Variants in FRK observed in about 807,000 individuals in gnomAD.
FRK encodes the protein tyrosine-protein kinase FRK.
A neutral mutation model predicts 56.4 loss-of-function variants in FRK; 51 were observed. The ratio of observed to expected loss-of-function variants is 0.90; its 90% CI spans 0.72 to 1.14. FRK has a LOEUF of 1.14. FRK is among the 50% of genes most tolerant of loss of function. The probability of loss-of-function intolerance (pLI) is 0.00; values close to 1 mark genes in which losing one functional copy is unlikely to be tolerated. For synonymous variants in FRK, 245 were observed against 217.9 expected, an observed-to-expected ratio of 1.12 and a Z score of -1.10; for missense variants, 570 against 601.4, an observed-to-expected ratio of 0.95 and a Z score of 0.55.
At chr6:115,975,281 A>G (rs961115673) in intron 2 of FRK, among the ~76,000 whole-genome samples, 8 of 152,074 alleles carry the variant, frequency 5.3e-5, no homozygotes, top group African/African-American at 1.7e-4. Flanking sequence ...GCATTTATAT[A>G]TGGTTCCTTC....
intron 1 of FRK, among the ~76,000 whole-genome samples, chr6:116,045,301 G>A (rs575993503): frequency 1.3e-5 from 2 of 152,242 alleles, no homozygotes; most frequent in South Asian, 4.1e-4. Context: ...AAAGAACAAA[G>A]CTGGAGGCAT....
In FRK at chr6:116,060,043, T is replaced by G; in HGVS notation, c.269A>C (p.Asp90Ala). The G allele has an allele frequency of 6.2e-7, 1 of 1,614,194 alleles. No homozygotes were observed. Among genetic ancestry groups the G allele is most frequent in the Non-Finnish European group, 8.5e-7 (1 of 1,180,040 alleles). ...WFARHLEKRR[D>A]GSSQQLQGYI... is the part of the protein sequence containing the mutation. ...GCCTTGTAGTTGCTGACTGGAGCCA[T>G]CTCGTCTTTTCTCCAAGTGTCTGGC... Residue 90 changes from aspartate to alanine, a missense_variant, in exon 1 of 8, where the codon GAT becomes GCT. Physicochemically the swap from Asp to Ala is moderately radical, Grantham distance 126 (BLOSUM62 -2). Coordinates refer to ENST00000606080, the MANE Select transcript of FRK (RefSeq NM_002031.3).
rs1480243565 is a variant in FRK at position 115,934,774 on chromosome 6, G to A, written c.*7640C>T. Reference sequence around the variant, plus strand: ...GTTTCATTCCTATTGCTTTACACTGGAAGATCTTTGAATATATATTTGATT... The same window carrying A: ...GTTTCATTCCTATTGCTTTACACTGAAAGATCTTTGAATATATATTTGATT... On this transcript the variant is annotated 3_prime_UTR_variant, in exon 8 of 8. Transcript: ENST00000606080. 6.6e-6 allele frequency: 1 copy of A among 151,948 alleles called. No individual in the cohort carries two copies. The highest frequency in any genetic ancestry group is 6.5e-5 in the Admixed American group (1 of 15,270). The allele number at this position is 151,948 out of a possible 1,614,324, so 9.4% of individuals were successfully genotyped here. A position where few individuals can be genotyped will look rare whatever the true frequency, so the allele number is the denominator to read the frequency against.
rs1435438415 is a variant in FRK, at chr6:115,968,382, T to C, written c.630+194A>G. ...AAGAAAACTCATATATGAATGAGCA[T>C]CTGTGCAAATAAAACTTATTTACAA... On this transcript the variant is annotated intron_variant, in intron 3 of 7. Coordinates refer to ENST00000606080, the MANE Select transcript of FRK (RefSeq NM_002031.3). 3.3e-5 allele frequency among the ~76,000 whole-genome samples: 5 copies of C among 152,136 alleles called. No individual in the cohort carries two copies. Among genetic ancestry groups the C allele is most frequent in the Non-Finnish European group, 5.9e-5 (4 of 68,018 alleles).
chr6:116,069,962 G>C, the FRK span, among the ~76,000 whole-genome samples: 1 of 152,070 alleles, frequency 6.6e-6, no homozygotes, highest in South Asian at 2.1e-4. Context: ...GGAATTTAGT[G>C]ACTCAATTTA....
chr6:116,067,089 A>G, the FRK span, among the ~76,000 whole-genome samples: 1 of 152,140 alleles, frequency 6.6e-6, no homozygotes, highest in Non-Finnish European at 1.5e-5. Context: ...ATAAAAAGGG[A>G]AAATTTGGAC....
At chr6:116,011,625 T>C (rs557741103) in intron 1 of FRK, among the ~76,000 whole-genome samples, 112 of 152,302 alleles carry the variant, frequency 7.4e-4, no homozygotes, top group Non-Finnish European at 1.2e-3. Context: ...GTTACACATG[T>C]TATAATGGGT....
At chr6:116,029,111 T>C (rs1489697609) in intron 1 of FRK, among the ~76,000 whole-genome samples, 1 of 152,128 alleles carries the variant, frequency 6.6e-6, no homozygotes, top group Non-Finnish European at 1.5e-5. Flanking sequence ...TTCCTCTGCC[T>C]GGAACGCTCT....
At chr6:115,966,978 T>G (rs1333463645) in intron 4 of FRK, among the ~76,000 whole-genome samples, 1 of 152,114 alleles carries the variant, frequency 6.6e-6, no homozygotes, top group Admixed American at 6.6e-5. Context: ...CCAGAAATAT[T>G]TGGAAAGTTA....
rs957058785 is a variant in FRK at position 116,024,511 on chromosome 6, C to T, written c.345-20513G>A. On this transcript the variant is annotated intron_variant, in intron 1 of 7. Transcript: ENST00000606080. ...ATTCCCACCTATGAGTGAGAATATG[C>T]GGTGTTTGGTTTTTTGTTCTTGCGA... Among the ~76,000 whole-genome samples the T allele has an allele frequency of 1.3e-4, 20 of 150,938 alleles. 1 individual carries two copies. The highest frequency in any genetic ancestry group is 8.6e-4 in the Admixed American group (13 of 15,102).
At chr6:115,960,352 C>T (rs784017) in intron 4 of FRK, among the ~76,000 whole-genome samples, 1,898 of 151,604 alleles carry the variant, frequency 0.013, 43 homozygotes, top group African/African-American at 0.044. Context: ...TAAAAAACGG[C>T]GCACCACTAG....
intron 2 of FRK, among the ~76,000 whole-genome samples, chr6:116,002,531 C>T (rs549551723): frequency 1.0e-3 from 154 of 152,224 alleles, no homozygotes; most frequent in African/African-American, 3.5e-3. Context: ...GCAGGAGAAT[C>T]GCTTAAACCC....
chr6:116,022,989 G>T (rs1255861065), intron 1 of FRK, among the ~76,000 whole-genome samples: 1 of 152,022 alleles, frequency 6.6e-6, no homozygotes, highest in Admixed American at 6.6e-5. Context: ...TTTTAAATGG[G>T]CAGAAGACTT....
At chr6:116,090,496 G>A in the FRK span, among the ~76,000 whole-genome samples, 1 of 152,160 alleles carries the variant, frequency 6.6e-6, no homozygotes, top group African/African-American at 2.4e-5. Context: ...GTGTGGAGAG[G>A]CAGGCCTGAA....
intron 1 of FRK, among the ~76,000 whole-genome samples, chr6:116,020,571 T>G (rs1775839807): frequency 6.6e-6 from 1 of 152,196 alleles, no homozygotes; most frequent in African/African-American, 2.4e-5. Context: ...ATTACAGACG[T>G]GAGCCACTGC....
intron 1 of FRK, among the ~76,000 whole-genome samples, chr6:116,036,105 C>CT (rs1220708600): frequency 2.0e-5 from 3 of 152,062 alleles, no homozygotes; most frequent in African/African-American, 7.2e-5. Flanking sequence ...GCTGCCTGCA[C>CT]TTTTTTTAAA....
At chr6:116,083,719 C>A in the FRK span, among the ~76,000 whole-genome samples, 3 of 152,254 alleles carry the variant, frequency 2.0e-5, no homozygotes, top group South Asian at 6.2e-4. Flanking sequence ...AGATAAGAAC[C>A]ACTGCCTATA....
the FRK span, among the ~76,000 whole-genome samples, chr6:116,070,298 G>C: frequency 6.6e-6 from 1 of 152,046 alleles, no homozygotes; most frequent in African/African-American, 2.4e-5. Flanking sequence ...ACAATTCTTG[G>C]CTAGCATAGG....
intron 1 of FRK, among the ~76,000 whole-genome samples, chr6:116,021,975 C>A (rs944154357): frequency 6.6e-6 from 1 of 151,712 alleles, no homozygotes; most frequent in Non-Finnish European, 1.5e-5. Flanking sequence ...TTATCAATAT[C>A]AGCAATTAAA....
Sources: allele counts gnomAD v4.1 joint callset (sites outside exome capture counted in the v4.1 genomes callset), GRCh38; gene constraint gnomAD v4.1.1; transcripts MANE v1.5; gene names NCBI Gene and HGNC (gene_info 2026-07-23, HGNC 2026-07-21).